Variants in DLGAP1 observed in about 807,000 individuals in gnomAD.
DLGAP1 encodes disks large-associated protein 1.
A neutral mutation model predicts 90.8 loss-of-function variants in DLGAP1; 11 were observed. The observed-to-expected ratio is 0.12, with a 90% CI of 0.08 to 0.20. The LOEUF is 0.20. DLGAP1 is among the 10% of genes least tolerant of loss of function. The pLI is 1.00. For missense variants in DLGAP1, 1,050 were observed against 1,333.8 expected (o/e 0.79, Z 3.31); for synonymous variants, 558 against 540.7 (o/e 1.03, Z -0.44).
intron 1 of DLGAP1, among the ~76,000 whole-genome samples, chr18:4,265,695 T>TCCTC (rs2079115780): frequency 8.1e-6 from 1 of 124,192 alleles, no homozygotes; most frequent in Non-Finnish European, 1.6e-5. Flanking sequence ...CTTCCTTCCT[T>TCCTC]CCTTCCCTCC....
chr18:4,339,541 T>C (rs556592568), intron 1 of DLGAP1, among the ~76,000 whole-genome samples: 106 of 152,314 alleles, frequency 7.0e-4, no homozygotes, highest in African/African-American at 2.4e-3. Flanking sequence ...TGAGGCCACT[T>C]ATCAATTATT....
intron 7 of DLGAP1, chr18:3,593,738 C>G (rs1422840443): frequency 6.6e-6 from 1 of 152,186 alleles, no homozygotes; most frequent in Non-Finnish European, 1.5e-5. Flanking sequence ...GCCTAGAGAT[C>G]TATTCAACTG....
intron 3 of DLGAP1, among the ~76,000 whole-genome samples, chr18:3,882,983 C>T (rs1254051515): frequency 1.3e-5 from 2 of 152,214 alleles, no homozygotes; most frequent in Non-Finnish European, 2.9e-5. Context: ...GTGGCTCACG[C>T]CTGTAATCCT....
At chr18:4,295,075 G>A (rs1236097978) in intron 1 of DLGAP1, 2 of 152,278 alleles carry the variant, frequency 1.3e-5, no homozygotes, top group Non-Finnish European at 2.9e-5. Flanking sequence ...CAGGTCAAAA[G>A]GCAGCTTTTT....
chr18:4,307,452 G>A (rs2080288569), intron 1 of DLGAP1, among the ~76,000 whole-genome samples: 2 of 152,080 alleles, frequency 1.3e-5, no homozygotes, highest in Admixed American at 1.3e-4. Flanking sequence ...CACACACAAA[G>A]TTACACAGCC....
intron 10 of DLGAP1, among the ~76,000 whole-genome samples, chr18:3,518,273 A>G (rs1350927797): frequency 6.6e-6 from 1 of 152,206 alleles, no homozygotes; most frequent in Non-Finnish European, 1.5e-5. Flanking sequence ...GTCAGAACAT[A>G]AACACCATTT....
At chr18:4,123,647 A>C (rs1264379155) in intron 2 of DLGAP1, among the ~76,000 whole-genome samples, 1 of 152,208 alleles carries the variant, frequency 6.6e-6, no homozygotes, top group Non-Finnish European at 1.5e-5. Context: ...GAACGAACAG[A>C]GCATAACCCA....
At chr18:4,433,756 T>C (rs535392888) in intron 1 of DLGAP1, among the ~76,000 whole-genome samples, 10 of 152,338 alleles carry the variant, frequency 6.6e-5, no homozygotes, top group African/African-American at 2.2e-4. Context: ...ATAAGACCTA[T>C]GCAAATATAT....
At chr18:4,200,536 T>G (rs936778814) in intron 1 of DLGAP1, among the ~76,000 whole-genome samples, 2 of 151,644 alleles carry the variant, frequency 1.3e-5, no homozygotes, top group Non-Finnish European at 1.5e-5. Flanking sequence ...AGGACATATT[T>G]TGCTGTTCCT....
intron 4 of DLGAP1, among the ~76,000 whole-genome samples, chr18:3,819,760 G>A (rs552050743): frequency 1.6e-4 from 24 of 152,114 alleles, no homozygotes; most frequent in Middle Eastern, 3.4e-3. Context: ...AATCTCCCCC[G>A]CCCCCTTCTA....
At chr18:4,287,980 G>GTGAACA (rs2079744755) in intron 1 of DLGAP1, among the ~76,000 whole-genome samples, 1 of 152,146 alleles carries the variant, frequency 6.6e-6, no homozygotes, top group Admixed American at 6.6e-5. Flanking sequence ...TGAGAAGAGA[G>GTGAACA]TGAACATTTT....
chr18:3,829,694 G>A (rs571611821), intron 4 of DLGAP1, among the ~76,000 whole-genome samples: 26 of 152,248 alleles, frequency 1.7e-4, no homozygotes, highest in African/African-American at 6.0e-4. Context: ...TCAATTTTTG[G>A]TCATAAGGCC....
chr18:3,580,824 C>T lies in DLGAP1; in HGVS notation c.1965+1051G>A, dbSNP rs968469724. ...AAGCGTCTTCCACCTGCCGTGCGGA[C>T]CGTGGAAAATAAAAGGCTCTGCCCC... is the stretch of plus-strand genomic sequence containing the variant. On this transcript the variant is annotated intron_variant, in intron 8 of 12. Transcript: ENST00000315677. The T allele has an allele frequency of 5.7e-5, 85 of 1,500,912 alleles. No homozygotes were observed. The African/African-American group carries it at 1.0e-3, about 18-fold the overall frequency. The allele number at this position is 1,500,912 out of a possible 1,614,324, so 93.0% of individuals were successfully genotyped here. A position where few individuals can be genotyped will look rare whatever the true frequency, so the allele number is the denominator to read the frequency against.
chr18:4,088,530 G>C (rs774391401), intron 2 of DLGAP1, among the ~76,000 whole-genome samples: 6 of 151,928 alleles, frequency 3.9e-5, no homozygotes, highest in Non-Finnish European at 7.4e-5. Flanking sequence ...GTTATAGATT[G>C]TTTCTGCCTA....
Position 3,684,111 on chromosome 18 carries a change from C to G in DLGAP1, c.1591+45024G>C, listed in dbSNP as rs142353896. 3.5e-3 allele frequency among the ~76,000 whole-genome samples: 525 copies of G among 151,822 alleles called. 2 individuals are homozygous for G. The highest frequency in any genetic ancestry group is 0.012 in the African/African-American group (496 of 41,420). On this transcript the variant is annotated intron_variant, in intron 7 of 12. Coordinates refer to ENST00000315677, the MANE Select transcript of DLGAP1 (RefSeq NM_004746.4). ...CTATCACTGATACAAAAAATGCACTCTAGGAGAGATGACAGCTCGTTAAAG... is the reference window on the plus strand; with the variant it reads ...CTATCACTGATACAAAAAATGCACTGTAGGAGAGATGACAGCTCGTTAAAG...
At chr18:3,967,313 T>C (rs1215683898) in intron 3 of DLGAP1, among the ~76,000 whole-genome samples, 2 of 152,254 alleles carry the variant, frequency 1.3e-5, no homozygotes, top group Non-Finnish European at 1.5e-5. Flanking sequence ...AAATAGATTA[T>C]GAACTGATGA....
chr18:3,706,495 C>A (rs938486521), intron 7 of DLGAP1, among the ~76,000 whole-genome samples: 3 of 152,164 alleles, frequency 2.0e-5, no homozygotes, highest in African/African-American at 7.2e-5. Flanking sequence ...GCATCAACAG[C>A]TCCCGGGCAA....
intron 10 of DLGAP1, among the ~76,000 whole-genome samples, chr18:3,510,010 T>C (rs1187651696): frequency 6.6e-6 from 1 of 152,212 alleles, no homozygotes; most frequent in Non-Finnish European, 1.5e-5. Flanking sequence ...GACAGCTGTC[T>C]AGCAGCAATT....
chr18:4,027,827 C>G (rs180787661), intron 2 of DLGAP1, among the ~76,000 whole-genome samples: 71 of 152,242 alleles, frequency 4.7e-4, no homozygotes, highest in Non-Finnish European at 4.1e-4. Context: ...TGCTTTCCAG[C>G]TCAGCAGTGT....
Sources: allele counts gnomAD v4.1 joint callset (sites outside exome capture counted in the v4.1 genomes callset), GRCh38; gene constraint gnomAD v4.1.1; transcripts MANE v1.5; gene names NCBI Gene and HGNC (gene_info 2026-07-23, HGNC 2026-07-21).